The following MTSS1 variants were observed in gnomAD, a reference collection of about 807,000 sequenced individuals.
MTSS1 encodes MTSS I-BAR domain containing 1.
MTSS1 carries 18 observed loss-of-function variants against 79.0 expected under a neutral mutation model. The ratio of observed to expected loss-of-function variants is 0.23; its 90% CI spans 0.16 to 0.34. The LOEUF (loss-of-function observed/expected upper bound fraction) is 0.34, where lower values mean the gene tolerates loss of function less well. MTSS1 is among the 10% of genes least tolerant of loss of function. The pLI is 1.00. For synonymous variants in MTSS1, 341 were observed against 368.6 expected, an observed-to-expected ratio of 0.93 and a Z score of 0.86; for missense variants, 815 against 986.2, an observed-to-expected ratio of 0.83 and a Z score of 2.33.
intron 1 of MTSS1, among the ~76,000 whole-genome samples, chr8:124,719,798 T>C (rs1832643252): frequency 6.6e-6 from 1 of 152,240 alleles, no homozygotes. Flanking sequence ...GTGGCTCAAA[T>C]AGATACGAGC....
intron 6 of MTSS1, chr8:124,577,728 T>G (rs1162032621): frequency 4.3e-6 from 2 of 464,434 alleles, no homozygotes; most frequent in Non-Finnish European, 8.6e-6. Flanking sequence ...CTCGAAGAAC[T>G]GGCTGGAACC....
intron 3 of MTSS1, among the ~76,000 whole-genome samples, chr8:124,693,261 A>G (rs1265726093): frequency 6.6e-6 from 1 of 152,314 alleles, no homozygotes; most frequent in East Asian, 1.9e-4. Context: ...GGGAGATGTC[A>G]TCGGACAGGT....
In MTSS1 at chr8:124,727,521, C is replaced by T. The variant is rs1833900042; in HGVS notation, c.72+363G>A. Reference sequence around the variant, plus strand: ...CCCCGTGCCCGGAGGAATCAGGTGTCCTCCCGGGCATCCAGCCCCCGCGGG... The same window carrying T: ...CCCCGTGCCCGGAGGAATCAGGTGTTCTCCCGGGCATCCAGCCCCCGCGGG... On this transcript the variant is annotated intron_variant, in intron 1 of 13. Coordinates refer to ENST00000518547, the MANE Select transcript of MTSS1 (RefSeq NM_014751.6). This position sits in a 1 kb window ranked among gnomAD's most constrained non-coding sequence, Gnocchi z 4.7. The T allele has an allele frequency of 2.1e-6, 1 of 470,752 alleles. No homozygotes were observed. Among genetic ancestry groups the T allele is most frequent in the South Asian group, 1.6e-5 (1 of 64,472 alleles). The allele number at this position is 470,752 out of a possible 1,614,324, so 29.2% of individuals were successfully genotyped here.
intron 4 of MTSS1, among the ~76,000 whole-genome samples, chr8:124,590,737 G>C (rs1052224499): frequency 6.6e-6 from 1 of 152,202 alleles, no homozygotes; most frequent in Non-Finnish European, 1.5e-5. Context: ...GGTGTGGAGT[G>C]GTCTGTGAGC....
At chr8:124,611,279 G>C (rs192306392) in intron 3 of MTSS1, among the ~76,000 whole-genome samples, 10 of 152,336 alleles carry the variant, frequency 6.6e-5, no homozygotes, top group Admixed American at 5.9e-4. Context: ...AGAGCCAGGG[G>C]TGAGCTGGGG....
chr8:124,553,018 C>T lies in MTSS1; in HGVS notation c.2242G>A (p.Asp748Asn), dbSNP rs747921165. The T allele has an allele frequency of 1.2e-6, 2 of 1,613,532 alleles. No homozygotes were observed. Among genetic ancestry groups the T allele is most frequent in the South Asian group, 1.1e-5 (1 of 91,078 alleles). ...TAAGAAAAGCGAGGGGCTGAGCGAT[C>T]GTTTGTCGTGGTCTTCTTCAGTTTC... ...GVKLKKTTTN[D>N]RSAPRFS Residue 748 changes from aspartate (D) to asparagine (N), a missense_variant, in exon 14 of 14, where the codon GAT (aspartate) becomes AAT (asparagine). Physicochemically the swap from Asp to Asn is conservative, Grantham distance 23. This residue lies in a region of MTSS1 where 590 missense variants were observed against 620.8 expected (regional missense o/e 0.95). Coordinates refer to ENST00000518547, the MANE Select transcript of MTSS1 (RefSeq NM_014751.6). This position sits in a 1 kb window ranked among gnomAD's most constrained non-coding sequence, Gnocchi z 6.0.
intron 3 of MTSS1, among the ~76,000 whole-genome samples, chr8:124,613,938 G>T (rs1392339040): frequency 6.6e-6 from 1 of 152,152 alleles, no homozygotes; most frequent in Non-Finnish European, 1.5e-5. Flanking sequence ...GAGGCAGGAG[G>T]ATGGTTTGAG....
chr8:124,653,492 G>C (rs984726688), intron 3 of MTSS1, among the ~76,000 whole-genome samples: 1 of 152,226 alleles, frequency 6.6e-6, no homozygotes, highest in African/African-American at 2.4e-5. Context: ...GGGAGGCCAA[G>C]GCGGGTGGAT....
At chr8:124,556,537 G>A in intron 11 of MTSS1, 132 bp from the exon 12 acceptor site, 2 of 1,017,550 alleles carry the variant, frequency 2.0e-6, no homozygotes, top group Non-Finnish European at 2.8e-6. Context: ...ACAAGCCACA[G>A]GCCCTCTGCA....
chr8:124,699,972 C>G (rs1032549367), intron 2 of MTSS1, among the ~76,000 whole-genome samples: 8 of 152,002 alleles, frequency 5.3e-5, no homozygotes, highest in African/African-American at 1.9e-4. Context: ...GATGGTGAAA[C>G]CCCGTGTCTA....
At chr8:124,561,406 G>A (rs56052006) in intron 10 of MTSS1, among the ~76,000 whole-genome samples, 1,622 of 152,288 alleles carry the variant, frequency 0.011, 15 homozygotes, top group Non-Finnish European at 0.017. Flanking sequence ...GTGACAAAGC[G>A]AGACTGTCTT....
At chr8:124,619,660 A>T (rs1325913262) in intron 3 of MTSS1, among the ~76,000 whole-genome samples, 1 of 146,590 alleles carries the variant, frequency 6.8e-6, no homozygotes, top group Non-Finnish European at 1.5e-5. Context: ...AGATCTGGTT[A>T]ATCTTTTCAG....
chr8:124,642,327 C>T (rs1818206605), intron 3 of MTSS1, among the ~76,000 whole-genome samples: 1 of 152,158 alleles, frequency 6.6e-6, no homozygotes, highest in Admixed American at 6.5e-5. Flanking sequence ...TAGGATGACA[C>T]ACCCAAAGAC....
chr8:124,708,547 C>A (rs189528777), intron 1 of MTSS1, among the ~76,000 whole-genome samples: 205 of 152,288 alleles, frequency 1.3e-3, no homozygotes, highest in African/African-American at 3.6e-3. Context: ...CAGTGCCAGA[C>A]AATTTCTCTG....
chr8:124,636,411 G>A (rs1182324875), intron 3 of MTSS1, among the ~76,000 whole-genome samples: 1 of 152,222 alleles, frequency 6.6e-6, no homozygotes, highest in African/African-American at 2.4e-5. Context: ...GATTACAGGT[G>A]TGAGTCACTG....
At chr8:124,694,112 C>T (rs555086285) in intron 3 of MTSS1, among the ~76,000 whole-genome samples, 2 of 152,276 alleles carry the variant, frequency 1.3e-5, no homozygotes, top group East Asian at 1.9e-4. Flanking sequence ...TTGTGCTACA[C>T]AGATTTTTTT....
At chr8:124,648,395 C>T (rs1819353611) in intron 3 of MTSS1, among the ~76,000 whole-genome samples, 1 of 151,928 alleles carries the variant, frequency 6.6e-6, no homozygotes, top group African/African-American at 2.4e-5. Flanking sequence ...TAAGGAGTTG[C>T]TTAAGAAAAC....
chr8:124,712,465 C>T (rs1024185915), intron 1 of MTSS1, among the ~76,000 whole-genome samples: 1 of 152,186 alleles, frequency 6.6e-6, no homozygotes, highest in Admixed American at 6.5e-5. Flanking sequence ...AGGCAAGAAT[C>T]CGCTCAGCTT....
chr8:124,610,381 C>T (rs1187878231), intron 3 of MTSS1, among the ~76,000 whole-genome samples: 1 of 152,114 alleles, frequency 6.6e-6, no homozygotes. Flanking sequence ...AGCTTCAGGT[C>T]CCCTTATATG....
Sources: gnomAD v4.1 joint callset for allele counts (sites outside exome capture counted in the v4.1 genomes callset) on GRCh38, gnomAD v4.1.1 for gene constraint, gnomAD v4.1.1 regional missense constraint, Gnocchi (gnomAD v3.1) non-coding constraint, MANE v1.5 for transcripts, NCBI Gene and HGNC (gene_info 2026-07-23, HGNC 2026-07-21) for gene names.